Variants in DPP7 observed in about 807,000 individuals in gnomAD.
The protein encoded by DPP7 is dipeptidyl peptidase 7.
A neutral mutation model predicts 58.8 loss-of-function variants in DPP7; 74 were observed. That is an observed-to-expected ratio of 1.26 (90% CI 1.04 to 1.53). The LOEUF (loss-of-function observed/expected upper bound fraction) is 1.53. DPP7 is among the 40% of genes most tolerant of loss of function. The pLI, the probability that DPP7 is intolerant of heterozygous loss-of-function variation, is 0.00. For missense variants in DPP7, 807 were observed against 692.3 expected (o/e 1.17, Z -1.86); for synonymous variants, 350 against 303.6 (o/e 1.15, Z -1.59).
intron 11 of DPP7, 147 bp downstream of exon 11, chr9:137,111,543 T>A: frequency 1.2e-6 from 1 of 843,848 alleles, no homozygotes; most frequent in Non-Finnish European, 1.9e-6. Context: ...GTAGTCCCAG[T>A]TACTGGGAGG....
rs1033441263 is a variant in DPP7, at chr9:137,111,880, CCAGAAGCTGGTCAG to C, written c.1186_1199del (p.Leu396GlyfsTer3). 1.9e-6 allele frequency: 3 copies of C among 1,605,294 alleles called. No individual in the cohort carries two copies. The highest frequency in any genetic ancestry group is 2.6e-6 in the Non-Finnish European group (3 of 1,172,954). On this transcript the variant is annotated frameshift_variant, in exon 10 of 13. Coordinates refer to ENST00000371579, the MANE Select transcript of DPP7 (RefSeq NM_013379.3). LOFTEE classifies it high-confidence loss of function. ...ACCCCCCCTCAGCCTTACCACCCCC[CCAGAAGCTGGTCAG>C]CAGCCAGTCGGGCCGGGGCCACACG... is the stretch of plus-strand genomic sequence containing the variant.
At position 137,110,902 on chromosome 9, in the gene DPP7, C is replaced by T; in HGVS notation, c.1321G>A (p.Gly441Arg). The change falls in exon 12 of 13, where the codon GGA becomes AGA. Residue 441 changes from glycine to arginine, a missense_variant. Physicochemically the swap from Gly to Arg is moderately radical, Grantham distance 125. This residue lies in a region of DPP7 where 624 missense variants were observed against 531.2 expected (regional missense o/e 1.17). Coordinates refer to ENST00000371579, the MANE Select transcript of DPP7 (RefSeq NM_013379.3). ...CACCTGAGGTCGAGGTGGTGCGCTC[C>T]CCCCTGGATGGTGACGGCGATGACT... is the stretch of plus-strand genomic sequence containing the variant. The part of the protein sequence containing the change: ...ASVIAVTIQG[G>R]AHHLDLRASH... 1 of 1,612,890 alleles carries T rather than the reference C, an allele frequency of 6.2e-7. No homozygotes were observed. Among genetic ancestry groups the T allele is most frequent in the South Asian group, 1.1e-5 (1 of 91,046 alleles).
Position 137,112,978 on chromosome 9 carries a change from C to T in DPP7, c.845G>A (p.Gly282Asp). ...MDYPYPTDFL[G>D]PLPANPVKVG... ...CTTGACGGGGTTGGCAGGGAGGGGA[C>T]CCAGGAAGTCAGTGGGGTAGGGGTA... is the stretch of plus-strand genomic sequence containing the variant. Residue 282 changes from glycine (G) to aspartate (D), a missense_variant, in exon 7 of 13, where the codon GGT becomes GAT. Transcript: ENST00000371579. 6.2e-7 allele frequency: 1 copy of T among 1,613,476 alleles called. No individual in the cohort carries two copies. Among genetic ancestry groups the T allele is most frequent in the Non-Finnish European group, 8.5e-7 (1 of 1,179,980 alleles).
upstream of DPP7, chr9:137,114,754 G>A (rs1831579814): frequency 8.0e-7 from 1 of 1,248,024 alleles, no homozygotes; most frequent in Non-Finnish European, 1.0e-6. Flanking sequence ...CGGGGTCACG[G>A]GGCCGCCAGG....
chr9:137,113,824 C>T, intron 4 of DPP7, 41 bp downstream of exon 4: 1 of 958,394 alleles, frequency 1.0e-6, no homozygotes, highest in Non-Finnish European at 1.3e-6. Context: ...TGGGTCGGGG[C>T]AGGGGAGGGA....
In DPP7 at chr9:137,110,790, A is replaced by G. The variant is rs1377324668; in HGVS notation, c.1344-7T>C. ...ATCTTCTGGGTGGGAGGCTCTGGGG[A>G]GCGGGCACAGAGGGGGCCCGTCAGC... is the stretch of plus-strand genomic sequence containing the variant. On this transcript the variant is annotated splice_polypyrimidine_tract_variant and splice_region_variant and intron_variant, in intron 12 of 12. Transcript: ENST00000371579. 3 of 1,603,006 alleles carry G rather than the reference A, an allele frequency of 1.9e-6. No homozygotes were observed. Among genetic ancestry groups the G allele is most frequent in the Admixed American group, 3.4e-5 (2 of 59,688 alleles).
rs748479319 is a variant in DPP7, at chr9:137,113,030, C to T, written c.793G>A (p.Ala265Thr). 3.7e-6 allele frequency: 6 copies of T among 1,613,836 alleles called. No individual in the cohort carries two copies. In the South Asian group the frequency reaches 6.6e-5, roughly 18 times the overall value. Reference protein sequence around the residue: ...LTQLFMFARNAFTVLAMMDYP... With the variant: ...LTQLFMFARNTFTVLAMMDYP... ...TCCATCATGGCCAGCACGGTGAAGG[C>T]ATTCCGGGCGAACATGAAGAGCTGG... Residue 265 changes from alanine (A) to threonine (T), a missense_variant, in exon 7 of 13, where the codon GCC becomes ACC. Physicochemically the swap from Ala to Thr is moderately conservative, Grantham distance 58. This residue lies in a region of DPP7 where 624 missense variants were observed against 531.2 expected (regional missense o/e 1.17). Coordinates refer to ENST00000371579, the MANE Select transcript of DPP7 (RefSeq NM_013379.3).
chr9:137,113,161 GC>G, intron 6 of DPP7, 42 bp from the exon 7 acceptor site: 1 of 1,613,772 alleles, frequency 6.2e-7, no homozygotes, highest in Non-Finnish European at 8.5e-7. Context: ...GGCATAGCTG[GC>G]GCTGGGGCGG....
chr9:137,113,360 C>T lies in DPP7; in HGVS notation c.621+1G>A, dbSNP rs756060446. ...CCTGGAGGACCCCAAGCCTCACTCA[C>T]CGCCGTGACGTCCCGGAAGAACTGG... is the stretch of plus-strand genomic sequence containing the variant. On this transcript the variant is annotated splice_donor_variant, in intron 5 of 12. Coordinates refer to ENST00000371579, the MANE Select transcript of DPP7 (RefSeq NM_013379.3). LOFTEE classifies it high-confidence loss of function. The T allele has an allele frequency of 1.2e-6, 2 of 1,611,876 alleles. No homozygotes were observed. Among genetic ancestry groups the T allele is most frequent in the Admixed American group, 1.7e-5 (1 of 59,990 alleles).
Position 137,112,035 on chromosome 9 carries a change from G to GGT in DPP7, c.1051-8_1051-7dup. 1.2e-6 allele frequency: 2 copies of GGT among 1,613,136 alleles called. No individual in the cohort carries two copies. The highest frequency in any genetic ancestry group is 1.7e-6 in the Non-Finnish European group (2 of 1,179,728). On this transcript the variant is annotated splice_region_variant and splice_polypyrimidine_tract_variant and intron_variant, in intron 9 of 12. Transcript: ENST00000371579. ...AGGTTGATCTCGGTGCAGGCCTGCAGGTGCCCCAGCCTGAGTCAGGCCAGC... is the reference window on the plus strand; with the variant it reads ...AGGTTGATCTCGGTGCAGGCCTGCAGGTGTGCCCCAGCCTGAGTCAGGCCAGC...
At position 137,113,926 on chromosome 9, in the gene DPP7, G is replaced by C. The variant is rs749019399; in HGVS notation, c.424C>G (p.Leu142Val). 5 of 1,582,518 alleles carry C rather than the reference G, an allele frequency of 3.2e-6. No homozygotes were observed. The East Asian group carries it at 9.1e-5, about 29-fold the overall frequency. ...CCGAGGTCGCGTCGTAGCGCGCGGAGCAGCTCTGCGAAGTCGGCCAGGGCC... is the reference window on the plus strand; with the variant it reads ...CCGAGGTCGCGTCGTAGCGCGCGGACCAGCTCTGCGAAGTCGGCCAGGGCC... ...EQALADFAEL[L>V]RALRRDLGAQ... Residue 142 changes from leucine to valine, a missense_variant, in exon 4 of 13, where the codon CTC (leucine) becomes GTC (valine). Coordinates refer to ENST00000371579, the MANE Select transcript of DPP7 (RefSeq NM_013379.3).
chr9:137,113,264 T>G lies in DPP7; in HGVS notation c.645A>C (p.Lys215Asn), dbSNP rs143421350. 1.2e-6 allele frequency: 2 copies of G among 1,613,640 alleles called. No individual in the cohort carries two copies. Among genetic ancestry groups the G allele is most frequent in the African/African-American group, 2.7e-5 (2 of 74,902 alleles). ...VTADFEGQSP[K>N]CTQGVREAFR... The stretch of plus-strand genomic sequence containing the variant: ...ACGCTTCCCGCACACCCTGGGTGCA[T>G]TTGGGACTCTGGCCCTCAAAGTCCT... Residue 215 changes from lysine to asparagine, a missense_variant, in exon 6 of 13, where the codon AAA becomes AAC. Transcript: ENST00000371579.
Position 137,114,298 on chromosome 9 carries a change from G to T in DPP7, c.266C>A (p.Ala89Asp), listed in dbSNP as rs10747049. The change falls in exon 3 of 13, where the codon GCC (alanine) becomes GAC (aspartate). Residue 89 changes from alanine to aspartate, a missense_variant. Physicochemically the swap from Ala to Asp is moderately radical, Grantham distance 126 (BLOSUM62 -2). Transcript: ENST00000371579. ...GDVWAFANNS[A>D]FVAELAAERG... ...CTCGGCCGCCAGCTCCGCGACGAAG[G>T]CCGAGTTGTTGGCGAAGGCCCACAC... 1 of 676,240 alleles carries T rather than the reference G, an allele frequency of 1.5e-6. No individual in the cohort carries two copies. The highest frequency in any genetic ancestry group is 2.5e-6 in the Non-Finnish European group (1 of 401,048). The allele number at this position is 676,240 out of a possible 1,614,324, so 41.9% of individuals were successfully genotyped here.
upstream of DPP7, among the ~76,000 whole-genome samples, chr9:137,116,542 C>G (rs968165878): frequency 3.3e-5 from 5 of 152,270 alleles, no homozygotes; most frequent in Non-Finnish European, 5.9e-5. Flanking sequence ...ACACAGTGCA[C>G]TGCGGAAAGC....
At chr9:137,112,856 G>T (rs755006035) in intron 7 of DPP7, 51 bp from the exon 8 acceptor site, 1 of 1,600,850 alleles carries the variant, frequency 6.2e-7, no homozygotes, top group South Asian at 1.1e-5. Flanking sequence ...CACCAGCTCC[G>T]CCTCCCTGGC....
At chr9:137,115,771 G>A (rs1831618877), upstream of DPP7, among the ~76,000 whole-genome samples, 1 of 152,118 alleles carries the variant, frequency 6.6e-6, no homozygotes, top group Non-Finnish European at 1.5e-5. Flanking sequence ...ACGTCACACT[G>A]CAACACGAGG....
At chr9:137,113,824 CA>C in intron 4 of DPP7, 40 bp downstream of exon 4, 1 of 958,394 alleles carries the variant, frequency 1.0e-6, no homozygotes. Flanking sequence ...TGGGTCGGGG[CA>C]GGGGAGGGAG....
Position 137,114,489 on chromosome 9 carries a change from G to T in DPP7, c.155C>A (p.Thr52Asn), listed in dbSNP as rs747877286. ...HFNFERFGNK[T>N]FPQRFLVSDR... ...CGACACCAGGAAGCGCTGAGGGAAG[G>T]TCTTGTTGCCGAAGCGCTCGAAGTT... Residue 52 changes from threonine (T) to asparagine (N), a missense_variant, in exon 2 of 13, where the codon ACC becomes AAC. Transcript: ENST00000371579. 7 of 1,580,584 alleles carry T rather than the reference G, an allele frequency of 4.4e-6. No individual in the cohort carries two copies. The East Asian group carries it at 1.4e-4, about 31-fold the overall frequency.
intron 8 of DPP7, chr9:137,112,441 G>T (rs915299045): frequency 3.2e-6 from 2 of 616,576 alleles, no homozygotes; most frequent in Admixed American, 3.0e-5. Flanking sequence ...GGGCCCCCCC[G>T]CTCTCCACGG....
Sources: allele counts gnomAD v4.1 joint callset (sites outside exome capture counted in the v4.1 genomes callset), GRCh38; gene constraint gnomAD v4.1.1; regional missense constraint gnomAD v4.1.1; transcripts MANE v1.5; gene names NCBI Gene and HGNC (gene_info 2026-07-23, HGNC 2026-07-21).